Variants in MDFIC2 observed in about 807,000 individuals in gnomAD.
MDFIC2 encodes the protein MyoD family inhibitor domain containing 2.
At chr3:70,241,765 C>T (rs1049403213) in intron 2 of MDFIC2, among the ~76,000 whole-genome samples, 2 of 152,096 alleles carry the variant, frequency 1.3e-5, no homozygotes, top group Non-Finnish European at 2.9e-5. Flanking sequence ...CCATTTAATC[C>T]TTCCTAAAAA....
At chr3:70,277,093 G>T (rs1702034424) in intron 2 of MDFIC2, among the ~76,000 whole-genome samples, 1 of 152,048 alleles carries the variant, frequency 6.6e-6, no homozygotes, top group Non-Finnish European at 1.5e-5. Flanking sequence ...TTTCAATGAG[G>T]CGTGAGAAAC....
At chr3:70,277,760 G>A (rs1263666389) in intron 2 of MDFIC2, among the ~76,000 whole-genome samples, 2 of 152,044 alleles carry the variant, frequency 1.3e-5, no homozygotes, top group Non-Finnish European at 2.9e-5. Flanking sequence ...CTTGAGGATG[G>A]GTGGGAACTT....
chr3:70,280,168 A>C (rs1237696948), intron 2 of MDFIC2, among the ~76,000 whole-genome samples: 2 of 151,996 alleles, frequency 1.3e-5, no homozygotes, highest in Non-Finnish European at 2.9e-5. Context: ...GCTGCACTCC[A>C]ATCTCTGTCC....
intron 2 of MDFIC2, among the ~76,000 whole-genome samples, chr3:70,294,233 A>G (rs887277519): frequency 6.6e-6 from 1 of 152,304 alleles, no homozygotes; most frequent in East Asian, 1.9e-4. Context: ...TAAAAATTAC[A>G]TTAAATTGAT....
chr3:70,225,556 G>A lies in MDFIC2; in HGVS notation c.89-18766C>T, dbSNP rs1019675905. On this transcript the variant is annotated intron_variant, in intron 2 of 3. Transcript: ENST00000567252. Reference sequence around the variant, plus strand: ...GGTGTGTCAAGAGTCAGTGTATACTGTTTATATTCTCCCTGCTTCAAAATC... The same window carrying A: ...GGTGTGTCAAGAGTCAGTGTATACTATTTATATTCTCCCTGCTTCAAAATC... Among the ~76,000 whole-genome samples the A allele has an allele frequency of 5.3e-5, 8 of 152,148 alleles. No homozygotes were observed. The East Asian group carries it at 1.5e-3, about 29-fold the overall frequency.
At chr3:70,301,321 C>T (rs967332202) in intron 2 of MDFIC2, among the ~76,000 whole-genome samples, 6 of 152,048 alleles carry the variant, frequency 3.9e-5, no homozygotes, top group Non-Finnish European at 7.4e-5. Flanking sequence ...CATATGGTTT[C>T]GTGTATGAGA....
rs114133444 is a variant in MDFIC2, at chr3:70,254,462, G to C, written c.89-47672C>G. ...CATTTTAGACACAAAGGGCGTAAAAGAAAAATAGACCTTCTTTTGGGCTTT... is the reference window on the plus strand; with the variant it reads ...CATTTTAGACACAAAGGGCGTAAAACAAAAATAGACCTTCTTTTGGGCTTT... On this transcript the variant is annotated intron_variant, in intron 2 of 3. Transcript: ENST00000567252. Among the ~76,000 whole-genome samples the C allele has an allele frequency of 5.1e-3, 773 of 152,198 alleles. 8 individuals are homozygous for C. Among genetic ancestry groups the C allele is most frequent in the African/African-American group, 0.018 (746 of 41,542 alleles).
At chr3:70,222,640 C>G (rs1701471401) in intron 2 of MDFIC2, among the ~76,000 whole-genome samples, 1 of 152,072 alleles carries the variant, frequency 6.6e-6, no homozygotes, top group African/African-American at 2.4e-5. Flanking sequence ...ACCTTAGGGC[C>G]TCCTAGGTTA....
At chr3:70,252,668 A>G (rs1029262153) in intron 2 of MDFIC2, among the ~76,000 whole-genome samples, 1 of 152,210 alleles carries the variant, frequency 6.6e-6, no homozygotes, top group African/African-American at 2.4e-5. Flanking sequence ...TTCATCATTC[A>G]GGCACTGTAT....
chr3:70,261,947 A>T (rs1575609360), intron 2 of MDFIC2, among the ~76,000 whole-genome samples: 1 of 151,914 alleles, frequency 6.6e-6, no homozygotes, highest in Admixed American at 6.6e-5. Flanking sequence ...AAGCCCTTGA[A>T]CTCTGCCCTG....
chr3:70,306,792 A>G (rs1052527478), intron 2 of MDFIC2, among the ~76,000 whole-genome samples: 1 of 152,304 alleles, frequency 6.6e-6, no homozygotes. Context: ...AATTATAGGT[A>G]GCTAGTTTTC....
intron 3 of MDFIC2, among the ~76,000 whole-genome samples, chr3:70,198,422 T>C (rs1701202396): frequency 1.3e-5 from 2 of 152,196 alleles, no homozygotes. Context: ...GCTCTTTTCT[T>C]TCATTATTCA....
chr3:70,271,642 A>C (rs1457848284), intron 2 of MDFIC2: 1 of 152,172 alleles, frequency 6.6e-6, no homozygotes, highest in Non-Finnish European at 1.5e-5. Flanking sequence ...TAAGAAACTG[A>C]CTCATCTAAG....
chr3:70,312,218 A>C (rs1464144832), intron 1 of MDFIC2, among the ~76,000 whole-genome samples: 1 of 152,222 alleles, frequency 6.6e-6, no homozygotes, highest in Non-Finnish European at 1.5e-5. Flanking sequence ...ACAAGACCTT[A>C]CAATTTCTCA....
At chr3:70,232,404 A>ATTTTTT (rs200752002) in intron 2 of MDFIC2, among the ~76,000 whole-genome samples, 1 of 145,060 alleles carries the variant, frequency 6.9e-6, no homozygotes. Flanking sequence ...TGATGTTCCT[A>ATTTTTT]TTTTTTTTTT....
chr3:70,266,483 C>T (rs1379047324), intron 2 of MDFIC2, among the ~76,000 whole-genome samples: 2 of 152,036 alleles, frequency 1.3e-5, no homozygotes, highest in Non-Finnish European at 2.9e-5. Flanking sequence ...AGTAGTGGCA[C>T]AATCATGGCT....
chr3:70,238,147 C>T (rs1350679468), intron 2 of MDFIC2, among the ~76,000 whole-genome samples: 1 of 151,870 alleles, frequency 6.6e-6, no homozygotes, highest in Non-Finnish European at 1.5e-5. Flanking sequence ...ATCTCCTAGC[C>T]ACAGCAGCTT....
intron 2 of MDFIC2, among the ~76,000 whole-genome samples, chr3:70,296,786 T>A (rs1383390374): frequency 6.6e-6 from 1 of 152,100 alleles, no homozygotes. Flanking sequence ...TTTCTTCCAA[T>A]CTGCTTTTTC....
chr3:70,276,644 G>A (rs9863818), intron 2 of MDFIC2, among the ~76,000 whole-genome samples: 93,659 of 151,700 alleles, frequency 0.62, 30,501 homozygotes, highest in Non-Finnish European at 0.74. Flanking sequence ...GGTAGAGGTC[G>A]ATAAACTGTG....
Sources: gnomAD v4.1 joint callset for allele counts (sites outside exome capture counted in the v4.1 genomes callset) on GRCh38, gnomAD v4.1.1 for gene constraint, MANE v1.5 for transcripts, NCBI Gene and HGNC (gene_info 2026-07-23, HGNC 2026-07-21) for gene names.